Variants in CD163L1 observed in about 807,000 individuals in gnomAD.
CD163L1 encodes CD163 molecule like 1.
A neutral mutation model predicts 165.4 loss-of-function variants in CD163L1; 124 were observed. That is an observed-to-expected ratio of 0.75 (90% CI 0.65 to 0.87). CD163L1 has a LOEUF of 0.87. Among genes scored for constraint, CD163L1 ranks in the 40% least tolerant of loss-of-function variants. The pLI is 0.00. For synonymous variants in CD163L1, 585 were observed against 662.2 expected (o/e 0.88, Z 1.79); for missense variants, 1,525 against 1,799.9 (o/e 0.85, Z 2.76).
chr12:7,348,134 T>C (rs1350112508), intron 4 of CD163L1, among the ~76,000 whole-genome samples: 1 of 152,230 alleles, frequency 6.6e-6, no homozygotes, highest in Non-Finnish European at 1.5e-5. Context: ...AAATAGGCTA[T>C]ACTAAAATTA....
downstream of CD163L1, among the ~76,000 whole-genome samples, chr12:7,344,172 C>T (rs1055996789): frequency 2.0e-5 from 3 of 151,924 alleles, no homozygotes; most frequent in African/African-American, 7.3e-5. Context: ...CCTTGACCTC[C>T]TGGAGTCAAG....
intron 18 of CD163L1, among the ~76,000 whole-genome samples, chr12:7,362,577 TATC>T (rs1946925658): frequency 6.9e-6 from 1 of 144,366 alleles, no homozygotes; most frequent in Admixed American, 7.0e-5. Flanking sequence ...ATTTATAGCA[TATC>T]ATATTAATAT....
chr12:7,412,819 G>T (rs867618870), intron 4 of CD163L1, among the ~76,000 whole-genome samples: 2 of 151,994 alleles, frequency 1.3e-5, no homozygotes, highest in Admixed American at 6.6e-5. Context: ...GCACCTGGCC[G>T]GGCGCAGTGG....
intron 9 of CD163L1, among the ~76,000 whole-genome samples, chr12:7,378,154 A>G (rs1290601419): frequency 6.6e-6 from 1 of 152,184 alleles, no homozygotes; most frequent in Non-Finnish European, 1.5e-5. Context: ...AGAAACCTTT[A>G]TCTTTATTTC....
chr12:7,408,205 T>C (rs1016358046), intron 4 of CD163L1, among the ~76,000 whole-genome samples: 36 of 152,196 alleles, frequency 2.4e-4, no homozygotes, highest in African/African-American at 7.0e-4. Context: ...AATGAGATTT[T>C]TTTTACAGAT....
intron 18 of CD163L1, among the ~76,000 whole-genome samples, chr12:7,365,847 T>C (rs1398839675): frequency 6.6e-6 from 1 of 152,124 alleles, no homozygotes; most frequent in Non-Finnish European, 1.5e-5. Context: ...TGGAAAACTG[T>C]ATGGATTTGC....
rs1271957378 is a variant in CD163L1, at chr12:7,361,329, C to T, written c.4280-3843G>A. On this transcript the variant is annotated intron_variant, in intron 18 of 19. Coordinates refer to ENST00000313599, the MANE Select transcript of CD163L1 (RefSeq NM_174941.6). ...TTCCAGTGGCTTCTTTTTCTATTTT[C>T]TCTGGCAAGAAAATAAATGGGTTAT... is the stretch of plus-strand genomic sequence containing the variant. 3.3e-5 allele frequency among the ~76,000 whole-genome samples: 5 copies of T among 152,142 alleles called. No individual in the cohort carries two copies. In the East Asian group the frequency reaches 9.6e-4, roughly 29 times the overall value.
intron 18 of CD163L1, among the ~76,000 whole-genome samples, chr12:7,362,267 A>G (rs1170093069): frequency 7.0e-6 from 1 of 142,188 alleles, no homozygotes; most frequent in Non-Finnish European, 1.5e-5. Context: ...TATTTAATAT[A>G]TTACTTATAT....
rs757828675 is a variant in CD163L1, at chr12:7,375,837, A to G, written c.2549T>C (p.Phe850Ser). The change falls in exon 10 of 20, where the codon TTT becomes TCT. Residue 850 changes from phenylalanine (F) to serine (S), a missense_variant. Transcript: ENST00000313599. ...DAISLSVGDH[F>S]GKGNGLTWAE... is the part of the protein sequence containing the mutation. ...CCAAGTTAGACCATTCCCTTTTCCA[A>G]AGTGATCTCCCACAGAAAGAGATAT... 4 of 1,614,078 alleles carry G rather than the reference A, an allele frequency of 2.5e-6. No homozygotes were observed. In the African/African-American group the frequency reaches 5.3e-5, roughly 22 times the overall value.
At chr12:7,322,670 G>A in the CD163L1 span, 5 of 1,205,362 alleles carry the variant, frequency 4.1e-6, no homozygotes, top group African/African-American at 6.2e-5. Context: ...ACCTCACCTT[G>A]CCAGTAGTTA....
intron 4 of CD163L1, among the ~76,000 whole-genome samples, chr12:7,407,688 T>C (rs74056475): frequency 0.075 from 11,332 of 151,400 alleles, 446 homozygotes; most frequent in African/African-American, 0.11. Flanking sequence ...CACATATATA[T>C]AGTGATCAAT....
chr12:7,439,843 C>T, intron 2 of CD163L1: 1 of 1,613,280 alleles, frequency 6.2e-7, no homozygotes, highest in Admixed American at 1.7e-5. Flanking sequence ...CTCACTGTCG[C>T]CAAAGGCCTC....
At chr12:7,353,273 A>G (rs973527327), downstream of CD163L1, among the ~76,000 whole-genome samples, 1 of 152,084 alleles carries the variant, frequency 6.6e-6, no homozygotes, top group Non-Finnish European at 1.5e-5. Flanking sequence ...CCGTCTTAAG[A>G]ACTTGGAAAA....
At chr12:7,321,421 G>A in the CD163L1 span, among the ~76,000 whole-genome samples, 1 of 152,306 alleles carries the variant, frequency 6.6e-6, no homozygotes, top group South Asian at 2.1e-4. Flanking sequence ...AAGTAGCATA[G>A]GCTTGTCCAT....
At chr12:7,395,958 G>A in intron 8 of CD163L1, 137 bp downstream of exon 8, 3 of 586,656 alleles carry the variant, frequency 5.1e-6, no homozygotes, top group Non-Finnish European at 5.7e-6. Context: ...AAAAATGAAT[G>A]AGAATATGAG....
Position 7,374,995 on chromosome 12 carries a change from C to G in CD163L1, c.3002-72G>C. 1 of 1,380,802 alleles carries G rather than the reference C, an allele frequency of 7.2e-7. No homozygotes were observed. Among genetic ancestry groups the G allele is most frequent in the Admixed American group, 1.7e-5 (1 of 58,842 alleles). 85.5% of individuals were successfully genotyped at this position (1,380,802 alleles called of 1,614,324 possible). A position where few individuals can be genotyped will look rare whatever the true frequency, so the allele number is the denominator to read the frequency against. On this transcript the variant is annotated intron_variant, in intron 11 of 19. Coordinates refer to ENST00000313599, the MANE Select transcript of CD163L1 (RefSeq NM_174941.6). This position sits in a 1 kb window ranked among gnomAD's most constrained non-coding sequence, Gnocchi z 5.4. The stretch of plus-strand genomic sequence containing the variant: ...TGGAAAAGGTTGAAGAGTTCTGTAA[C>G]AACATGGAATCTGCAATTGTGATAA...
chr12:7,395,977 A>T, intron 8 of CD163L1, 118 bp downstream of exon 8: 1 of 691,710 alleles, frequency 1.4e-6, no homozygotes, highest in Non-Finnish European at 2.4e-6. Flanking sequence ...AGGTATGGTT[A>T]GCTCTAAAAA....
At chr12:7,321,645 C>T in the CD163L1 span, among the ~76,000 whole-genome samples, 1 of 152,234 alleles carries the variant, frequency 6.6e-6, no homozygotes, top group Non-Finnish European at 1.5e-5. Flanking sequence ...ATTCTACCCA[C>T]ACCCTCTGGC....
In CD163L1 at chr12:7,442,207, C is replaced by T. The variant is rs149025498; in HGVS notation, c.32-961G>A. ...ACAGCTGTAACTGTTAGAGAACTAT[C>T]TTAAATAGTATTTTCATTAGTATCT... On this transcript the variant is annotated intron_variant, in intron 1 of 19. Coordinates refer to ENST00000313599, the MANE Select transcript of CD163L1 (RefSeq NM_174941.6). Among the ~76,000 whole-genome samples, 610 of 152,192 alleles carry T rather than the reference C, an allele frequency of 4.0e-3. 7 individuals are homozygous for T. The highest frequency in any genetic ancestry group is 0.014 in the African/African-American group (573 of 41,512).
Sources: allele counts gnomAD v4.1 joint callset (sites outside exome capture counted in the v4.1 genomes callset), GRCh38; gene constraint gnomAD v4.1.1; non-coding constraint Gnocchi (gnomAD v3.1); transcripts MANE v1.5; gene names NCBI Gene and HGNC (gene_info 2026-07-23, HGNC 2026-07-21).